Variants in CPT1A observed in about 807,000 individuals in gnomAD.
CPT1A encodes carnitine palmitoyltransferase 1A.
A neutral mutation model predicts 100.8 loss-of-function variants in CPT1A; 64 were observed. The observed-to-expected ratio is 0.63, with a 90% confidence interval of 0.52 to 0.78. The LOEUF (loss-of-function observed/expected upper bound fraction) is 0.78, where lower values mean the gene tolerates loss of function less well. Among genes scored for constraint, CPT1A ranks in the 30% least tolerant of loss-of-function variants. The probability of loss-of-function intolerance (pLI) is 0.00; values close to 1 mark genes in which losing one functional copy is unlikely to be tolerated. For synonymous variants in CPT1A, 363 were observed against 396.0 expected (o/e 0.92, Z 0.99); for missense variants, 802 against 1,034.1 (o/e 0.78, Z 3.08).
chr11:68,807,047 T>C (rs1376575362), intron 4 of CPT1A, among the ~76,000 whole-genome samples: 1 of 152,160 alleles, frequency 6.6e-6, no homozygotes, highest in Non-Finnish European at 1.5e-5. Flanking sequence ...TAAGGGACCC[T>C]TGGGCTGAGG....
chr11:68,828,442 C>G (rs1236693515), intron 1 of CPT1A, among the ~76,000 whole-genome samples: 1 of 152,188 alleles, frequency 6.6e-6, no homozygotes, highest in Admixed American at 6.5e-5. Context: ...CCTCACCAGG[C>G]TCACTGCGTC....
chr11:68,755,211 C>T lies in CPT1A; in HGVS notation c.*2433G>A, dbSNP rs113394033. The T allele has an allele frequency of 2.7e-3, 656 of 247,530 alleles. 3 individuals are homozygous for T. The highest frequency in any genetic ancestry group is 0.014 in the African/African-American group (616 of 44,906). 15.3% of individuals were successfully genotyped at this position (247,530 alleles called of 1,614,324 possible). A position where few individuals can be genotyped will look rare whatever the true frequency, so the allele number is the denominator to read the frequency against. On this transcript the variant is annotated 3_prime_UTR_variant, in exon 19 of 19. Coordinates refer to ENST00000265641, the MANE Select transcript of CPT1A (RefSeq NM_001876.4). The stretch of plus-strand genomic sequence containing the variant: ...AAACCCAAATATGTTTAAGCACTCA[C>T]GTCTACACTCAAAATGCCCTGTGAA...
At chr11:68,824,873 A>C (rs1856681440) in intron 1 of CPT1A, among the ~76,000 whole-genome samples, 1 of 137,206 alleles carries the variant, frequency 7.3e-6, no homozygotes, top group South Asian at 2.2e-4. Context: ...ATCTAGGCTC[A>C]CGTTAACCTT....
chr11:68,835,442 T>G (rs982479383), intron 1 of CPT1A, among the ~76,000 whole-genome samples: 2 of 152,220 alleles, frequency 1.3e-5, no homozygotes, highest in Non-Finnish European at 2.9e-5. Flanking sequence ...AACTTCTAAT[T>G]CAAACTGAAC....
chr11:68,809,693 A>G (rs1856145308), intron 3 of CPT1A, among the ~76,000 whole-genome samples: 1 of 152,208 alleles, frequency 6.6e-6, no homozygotes, highest in Non-Finnish European at 1.5e-5. Flanking sequence ...GAAATGGCCC[A>G]TGAGGCTGGA....
intron 1 of CPT1A, among the ~76,000 whole-genome samples, chr11:68,839,010 A>C (rs779964683): frequency 1.3e-5 from 2 of 152,064 alleles, no homozygotes; most frequent in African/African-American, 4.8e-5. Flanking sequence ...GAGATTCTCG[A>C]GAGATTCTCT....
chr11:68,795,049 G>A lies in CPT1A; in HGVS notation c.772-138C>T, dbSNP rs574950312. ...ATACATATTCGGTTACATCTGCAAT[G>A]CTACAAAATAAATGGTAATTTGATT... On this transcript the variant is annotated intron_variant, in intron 7 of 18. Transcript: ENST00000265641. 4.2e-5 allele frequency: 30 copies of A among 713,718 alleles called. No individual in the cohort carries two copies. The African/African-American group carries it at 4.5e-4, about 11-fold the overall frequency. 44.2% of individuals were successfully genotyped at this position (713,718 alleles called of 1,614,324 possible).
At chr11:68,814,193 T>C (rs1594362111) in intron 2 of CPT1A, among the ~76,000 whole-genome samples, 1 of 148,346 alleles carries the variant, frequency 6.7e-6, no homozygotes, top group East Asian at 1.9e-4. Context: ...TAAATTAAAA[T>C]ACATGGAAAA....
In CPT1A at chr11:68,757,202, C is replaced by A. The variant is rs888305217; in HGVS notation, c.*442G>T. The A allele has an allele frequency of 4.1e-6, 3 of 728,888 alleles. No homozygotes were observed. The highest frequency in any genetic ancestry group is 5.2e-6 in the Non-Finnish European group (3 of 574,164). 45.2% of individuals were successfully genotyped at this position (728,888 alleles called of 1,614,324 possible). On this transcript the variant is annotated 3_prime_UTR_variant, in exon 19 of 19. Coordinates refer to ENST00000265641, the MANE Select transcript of CPT1A (RefSeq NM_001876.4). ...TGTTAGCTACAACTGGGGACACCAA[C>A]TTGAATAACACATTTTTCTTTTAAC... is the stretch of plus-strand genomic sequence containing the variant.
chr11:68,807,609 A>G lies in CPT1A; in HGVS notation c.311T>C (p.Val104Ala). 6.2e-7 allele frequency: 1 copy of G among 1,614,108 alleles called. No individual in the cohort carries two copies. Among genetic ancestry groups the G allele is most frequent in the Non-Finnish European group, 8.5e-7 (1 of 1,180,034 alleles). ...GGTGCCAAACAGCACGCCGCTGACC[A>G]CGTTCTTCGTCTGGCTGGACATGCA... ...ANCMSSQTKN[V>A]VSGVLFGTGL... The change falls in exon 4 of 19, where the codon GTG (valine) becomes GCG (alanine). Residue 104 changes from valine to alanine, a missense_variant. Val to Ala is a moderately conservative substitution (Grantham distance 64). Around this residue, in one of 4 missense-constraint regions of CPT1A, gnomAD observed 161 missense variants for 183.7 expected, o/e 0.88. Coordinates refer to ENST00000265641, the MANE Select transcript of CPT1A (RefSeq NM_001876.4).
intron 9 of CPT1A, among the ~76,000 whole-genome samples, chr11:68,792,096 T>C (rs775201965): frequency 3.6e-4 from 55 of 152,110 alleles, no homozygotes; most frequent in Non-Finnish European, 6.6e-4. Context: ...TCCAGCACTT[T>C]GGAAGGCCGA....
chr11:68,804,369 A>C (rs1855989099), intron 4 of CPT1A, among the ~76,000 whole-genome samples: 1 of 152,170 alleles, frequency 6.6e-6, no homozygotes, highest in South Asian at 2.1e-4. Flanking sequence ...CTAGCAAATA[A>C]GCATATAACC....
chr11:68,768,339 T>C (rs1013882961), intron 14 of CPT1A, among the ~76,000 whole-genome samples: 3 of 152,230 alleles, frequency 2.0e-5, no homozygotes, highest in Admixed American at 1.3e-4. Flanking sequence ...CCTCCCAAAG[T>C]GCTGGGATTA....
At chr11:68,754,873 G>A (rs765404360), downstream of CPT1A, 14 of 780,344 alleles carry the variant, frequency 1.8e-5, no homozygotes, top group African/African-American at 1.7e-4. Flanking sequence ...AAAAGAGACA[G>A]AAACAAATCT....
intron 12 of CPT1A, among the ~76,000 whole-genome samples, chr11:68,779,883 T>A (rs1855258732): frequency 6.6e-6 from 1 of 151,812 alleles, no homozygotes; most frequent in African/African-American, 2.4e-5. Flanking sequence ...AACCTGGTAA[T>A]TTTAAGAATT....
intron 1 of CPT1A, among the ~76,000 whole-genome samples, chr11:68,833,574 T>C (rs1204793254): frequency 3.9e-5 from 6 of 152,140 alleles, no homozygotes; most frequent in African/African-American, 1.4e-4. Flanking sequence ...CTGGCCAACA[T>C]GGTGAAACCC....
At chr11:68,780,836 A>T in intron 11 of CPT1A, 91 bp from the exon 12 acceptor site, 1 of 939,110 alleles carries the variant, frequency 1.1e-6, no homozygotes, top group Non-Finnish European at 1.8e-6. Flanking sequence ...TGGATGGACT[A>T]ATTCACTTTG....
chr11:68,819,755 C>T (rs529955702), intron 1 of CPT1A, among the ~76,000 whole-genome samples: 1 of 152,222 alleles, frequency 6.6e-6, no homozygotes, highest in Admixed American at 6.5e-5. Context: ...CAGGGTAACC[C>T]TAAGAGTTCT....
chr11:68,778,667 G>A (rs1855209506), intron 12 of CPT1A, among the ~76,000 whole-genome samples: 2 of 151,730 alleles, frequency 1.3e-5, no homozygotes, highest in East Asian at 2.0e-4. Context: ...CTGCACACCA[G>A]CCTGGGTGAC....
Sources: gnomAD v4.1 joint callset for allele counts (sites outside exome capture counted in the v4.1 genomes callset) on GRCh38, gnomAD v4.1.1 for gene constraint, gnomAD v4.1.1 regional missense constraint, MANE v1.5 for transcripts, NCBI Gene and HGNC (gene_info 2026-07-23, HGNC 2026-07-21) for gene names.